AOX1: variants seen among roughly 807,000 people sequenced by gnomAD.
AOX1 encodes aldehyde oxidase 1.
AOX1 carries 153 observed loss-of-function variants against 169.5 expected under a neutral mutation model. The ratio of observed to expected loss-of-function variants is 0.90; its 90% CI spans 0.79 to 1.03. AOX1 has a LOEUF of 1.03. AOX1 is among the 50% of genes least tolerant of loss of function. The pLI is 0.00. For synonymous variants in AOX1, 562 were observed against 581.9 expected (o/e 0.97, Z 0.49); for missense variants, 1,656 against 1,663.9 (o/e 1.00, Z 0.08).
At chr2:200,593,967 C>A (rs569530573) in intron 2 of AOX1, among the ~76,000 whole-genome samples, 1 of 152,178 alleles carries the variant, frequency 6.6e-6, no homozygotes, top group African/African-American at 2.4e-5. Context: ...GAAAACTCCA[C>A]CTCATGGTAA....
intron 22 of AOX1, among the ~76,000 whole-genome samples, chr2:200,637,267 T>C (rs2035254280): frequency 6.6e-6 from 1 of 152,066 alleles, no homozygotes; most frequent in African/African-American, 2.4e-5. Context: ...AGAAAAAATA[T>C]AATACCTAGA....
At position 200,586,114 on chromosome 2, in the gene AOX1, C is replaced by T; in HGVS notation, c.6C>T (p.Asp2=). The T allele has an allele frequency of 5.8e-6, 9 of 1,560,510 alleles. No homozygotes were observed. The highest frequency in any genetic ancestry group is 7.8e-6 in the Non-Finnish European group (9 of 1,153,394). ...GAACCAGCGCGGACACCACAATGGA[C>T]CGGGCGTCCGAGCTGCTCTTCTACG... M[D]RASELLFYVN... The change falls in exon 1 of 35, where the codon GAC becomes GAT. Residue 2 remains aspartate (D), a synonymous_variant. Coordinates refer to ENST00000374700, the MANE Select transcript of AOX1 (RefSeq NM_001159.4).
At chr2:200,587,127 AAC>A (rs2034054695) in intron 1 of AOX1, among the ~76,000 whole-genome samples, 3 of 151,694 alleles carry the variant, frequency 2.0e-5, no homozygotes, top group African/African-American at 4.8e-5. Flanking sequence ...AACAAAACAA[AAC>A]AACAACAACA....
At chr2:200,667,029 T>A (rs2035935202) in intron 32 of AOX1, among the ~76,000 whole-genome samples, 1 of 152,180 alleles carries the variant, frequency 6.6e-6, no homozygotes, top group African/African-American at 2.4e-5. Flanking sequence ...AGCTCCAAAC[T>A]TCTGGGACAT....
Position 200,638,145 on chromosome 2 carries a change from A to G in AOX1, c.2481-70A>G, listed in dbSNP as rs544236772. The G allele has an allele frequency of 4.3e-6, 6 of 1,405,776 alleles. No individual in the cohort carries two copies. The East Asian group carries it at 1.4e-4, about 33-fold the overall frequency. The allele number at this position is 1,405,776 out of a possible 1,614,324, so 87.1% of individuals were successfully genotyped here. On this transcript the variant is annotated intron_variant, in intron 22 of 34. Coordinates refer to ENST00000374700, the MANE Select transcript of AOX1 (RefSeq NM_001159.4). ...AGGCTCCACTCAGGCTCTTGCCAGGAGTTATATAAACCCCAGAGAATGCCT... is the reference window on the plus strand; with the variant it reads ...AGGCTCCACTCAGGCTCTTGCCAGGGGTTATATAAACCCCAGAGAATGCCT...
chr2:200,622,601 G>T (rs1264467822), intron 18 of AOX1, among the ~76,000 whole-genome samples: 2 of 152,140 alleles, frequency 1.3e-5, no homozygotes, highest in African/African-American at 2.4e-5. Flanking sequence ...GAGACGGTGA[G>T]AATTTAAGCC....
intron 22 of AOX1, among the ~76,000 whole-genome samples, chr2:200,637,947 G>A (rs2035270102): frequency 6.6e-6 from 1 of 152,164 alleles, no homozygotes; most frequent in Admixed American, 6.6e-5. Context: ...ATTACAATGG[G>A]AAATGCCCCC....
intron 26 of AOX1, 137 bp downstream of exon 26, chr2:200,651,338 C>A: frequency 1.4e-6 from 1 of 710,294 alleles, no homozygotes; most frequent in Non-Finnish European, 2.4e-6. Context: ...CAAAAGCCAC[C>A]AAAGTCAAAG....
At position 200,661,576 on chromosome 2, in the gene AOX1, C is replaced by A; in HGVS notation, c.3376-3C>A. 6.2e-7 allele frequency: 1 copy of A among 1,612,566 alleles called. No homozygotes were observed. The highest frequency in any genetic ancestry group is 8.5e-7 in the Non-Finnish European group (1 of 1,178,858). On this transcript the variant is annotated splice_polypyrimidine_tract_variant and splice_region_variant and intron_variant, in intron 29 of 34. Coordinates refer to ENST00000374700, the MANE Select transcript of AOX1 (RefSeq NM_001159.4). The stretch of plus-strand genomic sequence containing the variant: ...TGCATCATGCTATGCTCTTCCTTCA[C>A]AGGCACAGACTGCTTTTGATGAAAG...
intron 9 of AOX1, 27 bp downstream of exon 9, chr2:200,604,867 T>C (rs776976736): frequency 2.5e-6 from 4 of 1,608,330 alleles, no homozygotes; most frequent in East Asian, 2.2e-5. Context: ...GGATTTTTTA[T>C]AGGGAAATTG....
At position 200,657,747 on chromosome 2, in the gene AOX1, C is replaced by T. The variant is rs532329808; in HGVS notation, c.3171+810C>T. On this transcript the variant is annotated intron_variant, in intron 27 of 34. Transcript: ENST00000374700. ...CTTATTTTAGATTAATTTTAAGCTACTGTTTCTCTTTTGTTAATCATAATA... is the reference window on the plus strand; with the variant it reads ...CTTATTTTAGATTAATTTTAAGCTATTGTTTCTCTTTTGTTAATCATAATA... Among the ~76,000 whole-genome samples, 27 of 152,222 alleles carry T rather than the reference C, an allele frequency of 1.8e-4. No individual in the cohort carries two copies. In the South Asian group the frequency reaches 5.6e-3, roughly 32 times the overall value.
intron 18 of AOX1, 88 bp from the exon 19 acceptor site, chr2:200,623,773 T>A: frequency 1.3e-6 from 2 of 1,579,594 alleles, no homozygotes; most frequent in Non-Finnish European, 1.7e-6. Context: ...CCTACTGTAA[T>A]CGAGTACTAG....
At chr2:200,673,524 C>G (rs1199036596), downstream of AOX1, among the ~76,000 whole-genome samples, 1 of 152,188 alleles carries the variant, frequency 6.6e-6, no homozygotes, top group Non-Finnish European at 1.5e-5. Context: ...CTATGTTACT[C>G]CAAGCCACCT....
chr2:200,629,693 A>G (rs1207731036), intron 20 of AOX1, among the ~76,000 whole-genome samples: 2 of 152,208 alleles, frequency 1.3e-5, no homozygotes, highest in Non-Finnish European at 2.9e-5. Context: ...CATTTCTATC[A>G]TAGAGCGTTC....
In AOX1 at chr2:200,663,049, C is replaced by T. The variant is rs1051760088; in HGVS notation, c.3543+80C>T. 5.5e-6 allele frequency: 6 copies of T among 1,086,594 alleles called. No individual in the cohort carries two copies. In the African/African-American group the frequency reaches 9.3e-5, roughly 17 times the overall value. The allele number at this position is 1,086,594 out of a possible 1,614,324, so 67.3% of individuals were successfully genotyped here. A position where few individuals can be genotyped will look rare whatever the true frequency, so the allele number is the denominator to read the frequency against. On this transcript the variant is annotated intron_variant, in intron 31 of 34. Transcript: ENST00000374700. ...ACAGATGCCATCTATCTGAGGAGAG[C>T]TTAGTGAGTGGCAGCATCGTGCATT...
intron 1 of AOX1, among the ~76,000 whole-genome samples, chr2:200,589,838 G>C (rs2034132622): frequency 6.6e-6 from 1 of 152,170 alleles, no homozygotes. Context: ...CATTCTCTAA[G>C]GTTCTTGGTT....
rs1047278931 is a variant in AOX1 at position 200,609,358 on chromosome 2, C to G, written c.1097C>G (p.Ser366Ter). 6.2e-7 allele frequency: 1 copy of G among 1,614,062 alleles called. No individual in the cohort carries two copies. The highest frequency in any genetic ancestry group is 1.1e-5 in the South Asian group (1 of 91,070). The change falls in exon 12 of 35, where the codon TCA becomes TGA. Residue 366 changes from serine (S) to a stop codon, truncating the protein, a stop_gained. Transcript: ENST00000374700. LOFTEE classifies it high-confidence loss of function. ...CACATCATTAGCAGGCATCCAGATT[C>G]AGATCTGAATCCCATCCTGGCTGTG... ...GGHIISRHPD[S>*]DLNPILAVGN...
intron 15 of AOX1, among the ~76,000 whole-genome samples, chr2:200,615,042 C>T (rs2034723925): frequency 6.6e-6 from 1 of 151,756 alleles, no homozygotes; most frequent in African/African-American, 2.4e-5. Context: ...GGGTCTCTGT[C>T]ACCCATGCTG....
At chr2:200,610,022 A>G (rs564202407) in intron 12 of AOX1, among the ~76,000 whole-genome samples, 1 of 151,862 alleles carries the variant, frequency 6.6e-6, no homozygotes, top group African/African-American at 2.4e-5. Flanking sequence ...CTAGTTTTCT[A>G]TCATCTGCAT....
Sources: gnomAD v4.1 joint callset for allele counts (sites outside exome capture counted in the v4.1 genomes callset) on GRCh38, gnomAD v4.1.1 for gene constraint, MANE v1.5 for transcripts, NCBI Gene and HGNC (gene_info 2026-07-23, HGNC 2026-07-21) for gene names.